NKAIN2: variants seen among roughly 807,000 people sequenced by gnomAD.
NKAIN2 encodes sodium/potassium transporting ATPase interacting 2.
In NKAIN2, 14 loss-of-function variants were observed where a neutral mutation model predicts 32.6. That is an observed-to-expected ratio of 0.43 (90% CI 0.28 to 0.67). The LOEUF (loss-of-function observed/expected upper bound fraction) is 0.67. NKAIN2 is among the 30% of genes least tolerant of loss of function. The probability of loss-of-function intolerance (pLI) is 0.17; values close to 1 mark genes in which losing one functional copy is unlikely to be tolerated. For synonymous variants in NKAIN2, 80 were observed against 87.2 expected, an observed-to-expected ratio of 0.92 and a Z score of 0.46; for missense variants, 198 against 258.3, an observed-to-expected ratio of 0.77 and a Z score of 1.60.
chr6:124,214,491 G>A (rs1791365362), intron 1 of NKAIN2, among the ~76,000 whole-genome samples: 1 of 151,824 alleles, frequency 6.6e-6, no homozygotes, highest in East Asian at 1.9e-4. Flanking sequence ...GCTCACACCT[G>A]TAATCCCAGC....
intron 1 of NKAIN2, among the ~76,000 whole-genome samples, chr6:124,074,847 T>C (rs1582589722): frequency 6.6e-6 from 1 of 152,150 alleles, no homozygotes; most frequent in South Asian, 2.1e-4. Context: ...CATAGCACTT[T>C]ACATAGTGCA....
chr6:124,600,845 C>A (rs1167840806), intron 3 of NKAIN2, among the ~76,000 whole-genome samples: 1 of 151,932 alleles, frequency 6.6e-6, no homozygotes, highest in African/African-American at 2.4e-5. Flanking sequence ...ACTTTTAATG[C>A]ATAACAGCAC....
intron 1 of NKAIN2, among the ~76,000 whole-genome samples, chr6:124,024,725 A>C (rs1781027904): frequency 6.6e-6 from 1 of 152,120 alleles, no homozygotes; most frequent in African/African-American, 2.4e-5. Context: ...GTGGTGGCTC[A>C]TGCCTGTAAT....
intron 2 of NKAIN2, among the ~76,000 whole-genome samples, chr6:124,345,056 T>C (rs1798335701): frequency 6.6e-6 from 1 of 152,224 alleles, no homozygotes; most frequent in African/African-American, 2.4e-5. Context: ...TTGTTGAATT[T>C]TGTCAAAGGC....
intron 4 of NKAIN2, among the ~76,000 whole-genome samples, chr6:124,790,558 C>T (rs2114805796): frequency 6.6e-6 from 1 of 152,158 alleles, no homozygotes; most frequent in Middle Eastern, 3.4e-3. Context: ...AAATAGTTTT[C>T]CATTATCCAG....
chr6:124,323,683 T>G (rs769313151), intron 2 of NKAIN2, among the ~76,000 whole-genome samples: 1 of 152,152 alleles, frequency 6.6e-6, no homozygotes, highest in Non-Finnish European at 1.5e-5. Flanking sequence ...ACTATCTTGA[T>G]TACAATGGCT....
In NKAIN2 at chr6:124,196,703, G is replaced by T. The variant is rs181067066; in HGVS notation, c.55-86302G>T. On this transcript the variant is annotated intron_variant, in intron 1 of 6. Coordinates refer to ENST00000368417, the MANE Select transcript of NKAIN2 (RefSeq NM_001040214.3). Reference sequence around the variant, plus strand: ...CACAATGCATTCAGTGTTACATTTTGATCTTAATTATATTTGCAAATTTAA... The same window carrying T: ...CACAATGCATTCAGTGTTACATTTTTATCTTAATTATATTTGCAAATTTAA... Among the ~76,000 whole-genome samples, 321 of 152,036 alleles carry T rather than the reference G, an allele frequency of 2.1e-3. 2 individuals are homozygous for T. Among genetic ancestry groups the T allele is most frequent in the African/African-American group, 7.4e-3 (309 of 41,516 alleles).
At chr6:124,260,195 CTATGGACTAAGTA>C (rs1412838977) in intron 1 of NKAIN2, among the ~76,000 whole-genome samples, 1 of 152,184 alleles carries the variant, frequency 6.6e-6, no homozygotes, top group African/African-American at 2.4e-5. Flanking sequence ...AAGAACCATT[CTATGGACTAAGTA>C]TATGTTTGTA....
intron 3 of NKAIN2, among the ~76,000 whole-genome samples, chr6:124,401,819 G>A (rs1021189682): frequency 1.3e-5 from 2 of 152,030 alleles, no homozygotes; most frequent in African/African-American, 2.4e-5. Flanking sequence ...TCCCTGCTGG[G>A]TATACAACTA....
At chr6:124,385,589 C>T (rs1772862801) in intron 3 of NKAIN2, among the ~76,000 whole-genome samples, 1 of 152,060 alleles carries the variant, frequency 6.6e-6, no homozygotes, top group South Asian at 2.1e-4. Context: ...ATCATAAATC[C>T]TTGTTTGCCC....
chr6:124,767,333 CAA>C (rs1453502054), intron 4 of NKAIN2, among the ~76,000 whole-genome samples: 1 of 151,342 alleles, frequency 6.6e-6, no homozygotes. Context: ...TATTTTCCAC[CAA>C]AGACTTTTAA....
chr6:124,127,351 C>A (rs763415628), intron 1 of NKAIN2, among the ~76,000 whole-genome samples: 1 of 152,190 alleles, frequency 6.6e-6, no homozygotes. Flanking sequence ...CAAGATTGTT[C>A]GGAAAGAGAG....
rs532844769 is a variant in NKAIN2 at position 124,505,791 on chromosome 6, G to A, written c.273+150444G>A. On this transcript the variant is annotated intron_variant, in intron 3 of 6. Coordinates refer to ENST00000368417, the MANE Select transcript of NKAIN2 (RefSeq NM_001040214.3). ...GGATCCAGAGAGAAGTATTGTGGAT[G>A]CATGTGGGTAGAGTGTCCTTTAATT... Among the ~76,000 whole-genome samples the A allele has an allele frequency of 2.6e-5, 4 of 152,270 alleles. 1 individual carries two copies. In the South Asian group the frequency reaches 8.3e-4, roughly 32 times the overall value.
chr6:124,467,435 G>T (rs759033743), intron 3 of NKAIN2, among the ~76,000 whole-genome samples: 5 of 152,040 alleles, frequency 3.3e-5, no homozygotes, highest in Non-Finnish European at 7.4e-5. Context: ...TGAAAGAAAA[G>T]ACTTCACTAC....
chr6:124,561,467 G>A (rs1182843603), intron 3 of NKAIN2, among the ~76,000 whole-genome samples: 3 of 151,992 alleles, frequency 2.0e-5, no homozygotes, highest in Non-Finnish European at 4.4e-5. Flanking sequence ...TCTGGTCTGT[G>A]GGAAAAAATA....
At chr6:124,569,297 A>AT (rs1325804268) in intron 3 of NKAIN2, among the ~76,000 whole-genome samples, 2 of 152,114 alleles carry the variant, frequency 1.3e-5, no homozygotes, top group East Asian at 3.9e-4. Context: ...CCTCTCACAG[A>AT]TTTTTTTCTA....
In NKAIN2 at chr6:124,599,826, A is replaced by G. The variant is rs1221792810; in HGVS notation, c.274-58360A>G. Among the ~76,000 whole-genome samples, 3 of 152,096 alleles carry G rather than the reference A, an allele frequency of 2.0e-5. 1 individual carries two copies. Among genetic ancestry groups the G allele is most frequent in the Non-Finnish European group, 1.5e-5 (1 of 68,012 alleles). ...TAGCCGTGCATGACCAAGGGTGATGATAAATGACATCCCTGGGGTATGATG... is the reference window on the plus strand; with the variant it reads ...TAGCCGTGCATGACCAAGGGTGATGGTAAATGACATCCCTGGGGTATGATG... On this transcript the variant is annotated intron_variant, in intron 3 of 6. Transcript: ENST00000368417.
intron 1 of NKAIN2, among the ~76,000 whole-genome samples, chr6:123,884,719 A>G (rs1773631467): frequency 1.3e-5 from 2 of 152,034 alleles, no homozygotes; most frequent in African/African-American, 4.8e-5. Context: ...AACATTACAA[A>G]CACTTCATGT....
At chr6:124,235,860 G>A (rs1378322524) in intron 1 of NKAIN2, among the ~76,000 whole-genome samples, 1 of 151,968 alleles carries the variant, frequency 6.6e-6, no homozygotes, top group East Asian at 1.9e-4. Flanking sequence ...GCCTCCCAAA[G>A]TGCTCAGATT....
Sources: gnomAD v4.1 joint callset for allele counts (sites outside exome capture counted in the v4.1 genomes callset) on GRCh38, gnomAD v4.1.1 for gene constraint, MANE v1.5 for transcripts, NCBI Gene and HGNC (gene_info 2026-07-23, HGNC 2026-07-21) for gene names.